Variants in SPOCK1 observed in about 807,000 individuals in gnomAD.
The protein encoded by SPOCK1 is SPARC (osteonectin), cwcv and kazal like domains proteoglycan 1.
Under a neutral mutation model 55.3 loss-of-function variants are expected in SPOCK1, and 23 were observed. The observed-to-expected ratio is 0.42, with a 90% CI of 0.30 to 0.59. SPOCK1 has a LOEUF of 0.59. SPOCK1 is among the 20% of genes least tolerant of loss of function. SPOCK1 has a pLI of 0.22. For synonymous variants in SPOCK1, 226 were observed against 221.0 expected, an observed-to-expected ratio of 1.02 and a Z score of -0.20; for missense variants, 499 against 552.5, an observed-to-expected ratio of 0.90 and a Z score of 0.97.
intron 3 of SPOCK1, among the ~76,000 whole-genome samples, chr5:137,144,012 G>T (rs1244480114): frequency 6.6e-6 from 1 of 152,140 alleles, no homozygotes; most frequent in Non-Finnish European, 1.5e-5. Flanking sequence ...AAGAGGCTTT[G>T]GGGGCAGAAT....
At chr5:137,055,883 C>A (rs1021774412) in intron 6 of SPOCK1, among the ~76,000 whole-genome samples, 1 of 152,100 alleles carries the variant, frequency 6.6e-6, no homozygotes, top group Non-Finnish European at 1.5e-5. Flanking sequence ...AGCCTGAGGT[C>A]GTGCCCCAGA....
intron 3 of SPOCK1, among the ~76,000 whole-genome samples, chr5:137,259,571 TG>T (rs1756705929): frequency 6.6e-6 from 1 of 151,784 alleles, no homozygotes; most frequent in Non-Finnish European, 1.5e-5. Context: ...CAAACCATCA[TG>T]GCACATGTAT....
chr5:136,976,747 GA>G lies in SPOCK1; in HGVS notation c.*1906del, dbSNP rs1401228923. On this transcript the variant is annotated 3_prime_UTR_variant, in exon 11 of 11. Transcript: ENST00000394945. ...TGCCTATGGTCTGTCTTCCTATGGG[GA>G]AAGTAAGTACAAAACCTCAGGGTTA... 6.6e-6 allele frequency: 1 copy of G among 152,314 alleles called. No homozygotes were observed. The highest frequency in any genetic ancestry group is 1.5e-5 in the Non-Finnish European group (1 of 68,034). 9.4% of individuals were successfully genotyped at this position (152,314 alleles called of 1,614,324 possible).
chr5:136,990,762 A>C (rs893663342), intron 7 of SPOCK1, among the ~76,000 whole-genome samples: 1 of 152,200 alleles, frequency 6.6e-6, no homozygotes, highest in Non-Finnish European at 1.5e-5. Context: ...TTAATGCATA[A>C]GGCAAGAGGA....
At chr5:137,395,146 C>A (rs186638312) in intron 2 of SPOCK1, among the ~76,000 whole-genome samples, 2 of 152,300 alleles carry the variant, frequency 1.3e-5, no homozygotes, top group Non-Finnish European at 2.9e-5. Context: ...CAGAACACTG[C>A]ATTTCTGCAG....
At chr5:137,293,377 T>C (rs1308269016) in intron 2 of SPOCK1, among the ~76,000 whole-genome samples, 2 of 152,200 alleles carry the variant, frequency 1.3e-5, no homozygotes, top group Non-Finnish European at 2.9e-5. Context: ...TCTGCAATTC[T>C]GTAGCTTGCA....
intron 2 of SPOCK1, among the ~76,000 whole-genome samples, chr5:137,494,758 T>C (rs1378057418): frequency 1.3e-5 from 2 of 152,264 alleles, no homozygotes; most frequent in Admixed American, 1.3e-4. Flanking sequence ...TCTTGTTCAC[T>C]CTTATAACCC....
chr5:137,440,394 G>A (rs1288175887), intron 2 of SPOCK1, among the ~76,000 whole-genome samples: 1 of 152,140 alleles, frequency 6.6e-6, no homozygotes, highest in Non-Finnish European at 1.5e-5. Context: ...AGAATGTAAT[G>A]GTAGGGAAGA....
chr5:137,199,988 T>G (rs1755395318), intron 3 of SPOCK1, among the ~76,000 whole-genome samples: 1 of 152,216 alleles, frequency 6.6e-6, no homozygotes, highest in African/African-American at 2.4e-5. Context: ...TCTTCTCGCC[T>G]CTGGCATCAC....
chr5:136,979,515 T>C lies in SPOCK1; in HGVS notation c.992-46A>G, dbSNP rs781598375. ...ACTTTAATCAGAGACATGCAGATGA[T>C]ACTCGGGGTTAATGCCCGTCAACAC... On this transcript the variant is annotated intron_variant, in intron 9 of 10. Transcript: ENST00000394945. 13 of 1,596,730 alleles carry C rather than the reference T, an allele frequency of 8.1e-6. No individual in the cohort carries two copies. In the Admixed American group the frequency reaches 2.2e-4, roughly 27 times the overall value.
At chr5:137,028,536 A>T (rs1751719031) in intron 6 of SPOCK1, among the ~76,000 whole-genome samples, 1 of 152,042 alleles carries the variant, frequency 6.6e-6, no homozygotes, top group Non-Finnish European at 1.5e-5. Context: ...GTTGTTGGGG[A>T]TGTTATCCCT....
intron 2 of SPOCK1, among the ~76,000 whole-genome samples, chr5:137,300,189 T>C (rs914048836): frequency 6.6e-6 from 1 of 152,194 alleles, no homozygotes; most frequent in African/African-American, 2.4e-5. Flanking sequence ...CTGGACTCCA[T>C]CTGATAAAAT....
At chr5:137,016,232 G>C (rs1408342484) in intron 6 of SPOCK1, among the ~76,000 whole-genome samples, 1 of 152,256 alleles carries the variant, frequency 6.6e-6, no homozygotes, top group East Asian at 1.9e-4. Flanking sequence ...TGCTCTCCTT[G>C]TGAGCTCTGA....
chr5:137,477,203 A>AG (rs35381311), intron 2 of SPOCK1, among the ~76,000 whole-genome samples: 1 of 152,202 alleles, frequency 6.6e-6, no homozygotes, highest in East Asian at 1.9e-4. Flanking sequence ...TTTAAAACGA[A>AG]GGGGGCATAT....
rs768528814 is a variant in SPOCK1 at position 137,140,551 on chromosome 5, G to GC, written c.347+28dup. 4 of 1,582,804 alleles carry GC rather than the reference G, an allele frequency of 2.5e-6. No homozygotes were observed. The East Asian group carries it at 9.0e-5, about 36-fold the overall frequency. On this transcript the variant is annotated intron_variant, in intron 4 of 10. Transcript: ENST00000394945. ...TCTGCCAGCTGCAGAATGCCTCCCA[G>GC]CCCCCAGCCCCCGGCCTTCCTGCCT... is the stretch of plus-strand genomic sequence containing the variant.
chr5:137,137,855 A>G (rs1754016925), intron 4 of SPOCK1, among the ~76,000 whole-genome samples: 1 of 152,232 alleles, frequency 6.6e-6, no homozygotes, highest in Non-Finnish European at 1.5e-5. Context: ...TCCGAAATGA[A>G]GTAGATAATA....
chr5:137,091,324 C>T (rs892661113), intron 5 of SPOCK1, among the ~76,000 whole-genome samples: 22 of 152,332 alleles, frequency 1.4e-4, no homozygotes, highest in African/African-American at 5.1e-4. Flanking sequence ...TAGCAAAACA[C>T]ACCCAAGCCA....
intron 3 of SPOCK1, among the ~76,000 whole-genome samples, chr5:137,172,669 G>A (rs953621386): frequency 2.0e-5 from 3 of 152,082 alleles, no homozygotes; most frequent in African/African-American, 7.2e-5. Context: ...CCAAGGTGCT[G>A]TTTCTAGTCT....
In SPOCK1 at chr5:137,475,974, A is replaced by G. The variant is rs191508128; in HGVS notation, c.186+22399T>C. On this transcript the variant is annotated intron_variant, in intron 2 of 10. Transcript: ENST00000394945. ...TTTTATGTTTAAAAAGGCAAGCTAG[A>G]GAACACTGTGTATAGACTTCTACCT... 2.6e-3 allele frequency among the ~76,000 whole-genome samples: 402 copies of G among 152,144 alleles called. 1 individual carries two copies. Among genetic ancestry groups the G allele is most frequent in the African/African-American group, 9.3e-3 (387 of 41,526 alleles).
Sources: gnomAD v4.1 joint callset for allele counts (sites outside exome capture counted in the v4.1 genomes callset) on GRCh38, gnomAD v4.1.1 for gene constraint, MANE v1.5 for transcripts, NCBI Gene and HGNC (gene_info 2026-07-23, HGNC 2026-07-21) for gene names.